The following TRERF1 variants were observed in gnomAD, a reference collection of about 807,000 sequenced individuals.
TRERF1 encodes transcriptional-regulating factor 1.
A neutral mutation model predicts 122.9 loss-of-function variants in TRERF1; 27 were observed. The ratio of observed to expected loss-of-function variants is 0.22; its 90% CI spans 0.16 to 0.30. TRERF1 has a LOEUF of 0.30. TRERF1 is among the 10% of genes least tolerant of loss of function. The pLI is 1.00. For missense variants in TRERF1, 1,248 were observed against 1,560.3 expected, an observed-to-expected ratio of 0.80 and a Z score of 3.37; for synonymous variants, 636 against 641.7, an observed-to-expected ratio of 0.99 and a Z score of 0.13.
intron 4 of TRERF1, among the ~76,000 whole-genome samples, chr6:42,282,399 T>C (rs1782454250): frequency 6.6e-6 from 1 of 152,044 alleles, no homozygotes; most frequent in African/African-American, 2.4e-5. Flanking sequence ...AATACAAAAA[T>C]CAGCCAGGTG....
chr6:42,305,493 C>T (rs1787044150), intron 3 of TRERF1, among the ~76,000 whole-genome samples: 1 of 152,156 alleles, frequency 6.6e-6, no homozygotes, highest in Non-Finnish European at 1.5e-5. Flanking sequence ...GAAATTAATA[C>T]ACAGGAACAA....
At chr6:42,335,605 C>G (rs112558175) in intron 3 of TRERF1, among the ~76,000 whole-genome samples, 4 of 152,246 alleles carry the variant, frequency 2.6e-5, no homozygotes, top group African/African-American at 9.6e-5. Flanking sequence ...GCGGATGGGG[C>G]GTGCCATTGA....
chr6:42,442,226 A>G (rs1445909845), intron 2 of TRERF1, among the ~76,000 whole-genome samples: 1 of 152,068 alleles, frequency 6.6e-6, no homozygotes, highest in African/African-American at 2.4e-5. Context: ...CACTCCTATT[A>G]AAACTCCTTG....
chr6:42,310,665 G>A (rs1201314699), intron 3 of TRERF1, among the ~76,000 whole-genome samples: 4 of 152,154 alleles, frequency 2.6e-5, no homozygotes, highest in Non-Finnish European at 5.9e-5. Context: ...GAGAAACCCT[G>A]CTCTAGTGTA....
chr6:42,392,200 A>C (rs1311485522), intron 2 of TRERF1, among the ~76,000 whole-genome samples: 2 of 152,232 alleles, frequency 1.3e-5, no homozygotes, highest in East Asian at 3.8e-4. Flanking sequence ...GGCACATGGC[A>C]GGGGTGTGAT....
chr6:42,298,617 C>G (rs1046893026), intron 4 of TRERF1, among the ~76,000 whole-genome samples: 1 of 150,594 alleles, frequency 6.6e-6, no homozygotes, highest in South Asian at 2.1e-4. Context: ...CCAGCCTGGC[C>G]AACAGGGTAA....
chr6:42,336,946 G>A (rs1367705774), intron 3 of TRERF1, among the ~76,000 whole-genome samples: 1 of 152,236 alleles, frequency 6.6e-6, no homozygotes, highest in African/African-American at 2.4e-5. Flanking sequence ...GCTCTATGGA[G>A]CCTTGGCTCT....
In TRERF1 at chr6:42,346,816, T is replaced by A. The variant is rs115554554; in HGVS notation, c.-371+16181A>T. ...ATGAAGTTGCCTGATAACTGGGTAC[T>A]CTTTCTCCCATCCTTTGTGGAACTG... is the stretch of plus-strand genomic sequence containing the variant. On this transcript the variant is annotated intron_variant, in intron 3 of 17. Coordinates refer to ENST00000372922, the Ensembl canonical transcript of TRERF1. 8.0e-3 allele frequency among the ~76,000 whole-genome samples: 1,214 copies of A among 152,198 alleles called. 18 individuals are homozygous for A. The highest frequency in any genetic ancestry group is 0.027 in the African/African-American group (1,125 of 41,534).
At chr6:42,331,816 G>T (rs116810525) in intron 3 of TRERF1, among the ~76,000 whole-genome samples, 1 of 152,194 alleles carries the variant, frequency 6.6e-6, no homozygotes, top group Non-Finnish European at 1.5e-5. Flanking sequence ...CCAGGCCCAC[G>T]CGGGCCATGT....
chr6:42,249,451 G>A (rs945478779), intron 13 of TRERF1, among the ~76,000 whole-genome samples: 3 of 152,150 alleles, frequency 2.0e-5, no homozygotes, highest in African/African-American at 4.8e-5. Flanking sequence ...TTTCCAAATT[G>A]CTTGCCAGAT....
At chr6:42,303,239 C>A (rs1272840340) in intron 3 of TRERF1, among the ~76,000 whole-genome samples, 2 of 152,134 alleles carry the variant, frequency 1.3e-5, no homozygotes, top group Non-Finnish European at 2.9e-5. Flanking sequence ...ATGGAGCTTA[C>A]AATCAAGTGC....
intron 13 of TRERF1, among the ~76,000 whole-genome samples, chr6:42,251,894 CT>C (rs1775889032): frequency 6.6e-6 from 1 of 152,196 alleles, no homozygotes; most frequent in Admixed American, 6.5e-5. Context: ...TCTAACACCC[CT>C]CTGCAGGAAT....
intron 8 of TRERF1, among the ~76,000 whole-genome samples, chr6:42,260,709 T>C (rs1412767516): frequency 6.6e-6 from 1 of 152,032 alleles, no homozygotes; most frequent in Non-Finnish European, 1.5e-5. Flanking sequence ...CAGCTGCAGG[T>C]CCTGGAGACT....
chr6:42,398,701 G>A (rs965417418), intron 2 of TRERF1, among the ~76,000 whole-genome samples: 1 of 152,216 alleles, frequency 6.6e-6, no homozygotes, highest in Non-Finnish European at 1.5e-5. Flanking sequence ...TTGGATGAAC[G>A]GGTGAATAAA....
In TRERF1 at chr6:42,290,741, CTTTTTTTTTT is replaced by C. The variant is rs144168592; in HGVS notation, c.-259+9887_-259+9896del. Among the ~76,000 whole-genome samples the C allele has an allele frequency of 3.8e-4, 35 of 92,412 alleles. 1 individual carries two copies. The highest frequency in any genetic ancestry group is 1.4e-3 in the Admixed American group (10 of 7,148). The allele number at this position is 92,412 out of a possible 152,430, so 60.6% of individuals were successfully genotyped here. A position where few individuals can be genotyped will look rare whatever the true frequency, so the allele number is the denominator to read the frequency against. On this transcript the variant is annotated intron_variant, in intron 4 of 17. Coordinates refer to ENST00000372922, the Ensembl canonical transcript of TRERF1. ...ATTTATCCTTTTTTCCATTTCTTTCCTTTTTTTTTTTTTTTTTTTTTTTGAACAGAAGAGT... is the reference window on the plus strand; with the variant it reads ...ATTTATCCTTTTTTCCATTTCTTTCCTTTTTTTTTTTTTGAACAGAAGAGT...
Position 42,233,035 on chromosome 6 carries a change from T to C in TRERF1, c.3067-143A>G, listed in dbSNP as rs577355850. On this transcript the variant is annotated intron_variant, in intron 16 of 17. Transcript: ENST00000372922. ...TTTATATAAGCAAACTTTGGGCATA[T>C]GCTACAAAAGGTAAAGATCAAATAC... 324 of 1,251,462 alleles carry C rather than the reference T, an allele frequency of 2.6e-4. No homozygotes were observed. In the African/African-American group the frequency reaches 3.9e-3, roughly 15 times the overall value. The allele number at this position is 1,251,462 out of a possible 1,614,324, so 77.5% of individuals were successfully genotyped here.
chr6:42,264,360 C>T (rs1404244798), intron 7 of TRERF1, among the ~76,000 whole-genome samples: 1 of 152,208 alleles, frequency 6.6e-6, no homozygotes, highest in Non-Finnish European at 1.5e-5. Flanking sequence ...CTGGAAGGCC[C>T]CAGTGGGCCT....
At chr6:42,418,990 C>T (rs972442565) in intron 2 of TRERF1, among the ~76,000 whole-genome samples, 1 of 152,182 alleles carries the variant, frequency 6.6e-6, no homozygotes, top group African/African-American at 2.4e-5. Context: ...ACCTGAACAA[C>T]AATGCATTCA....
intron 2 of TRERF1, among the ~76,000 whole-genome samples, chr6:42,372,749 G>A (rs373103649): frequency 2.2e-4 from 34 of 152,146 alleles, no homozygotes; most frequent in African/African-American, 7.7e-4. Context: ...GATCTGAGTT[G>A]GGTCTCAAAA....
Sources: allele counts gnomAD v4.1 joint callset (sites outside exome capture counted in the v4.1 genomes callset), GRCh38; gene constraint gnomAD v4.1.1; transcripts MANE v1.5; gene names NCBI Gene and HGNC (gene_info 2026-07-23, HGNC 2026-07-21).